CTDP1: variants seen among roughly 807,000 people sequenced by gnomAD.
CTDP1 encodes CTD phosphatase 1.
In CTDP1, 47 loss-of-function variants were observed where a neutral mutation model predicts 91.8. That is an observed-to-expected ratio of 0.51 (90% CI 0.41 to 0.65). The LOEUF (loss-of-function observed/expected upper bound fraction) is 0.65. Ranked by LOEUF, CTDP1 falls within the 30% of genes least tolerant of loss-of-function variation. The probability of loss-of-function intolerance (pLI) is 0.00; values close to 1 mark genes in which losing one functional copy is unlikely to be tolerated. For missense variants in CTDP1, 1,272 were observed against 1,373.7 expected (o/e 0.93, Z 1.17); for synonymous variants, 656 against 598.5 (o/e 1.10, Z -1.40).
At chr18:79,720,715 A>C (rs1235272757) in intron 10 of CTDP1, among the ~76,000 whole-genome samples, 1 of 152,130 alleles carries the variant, frequency 6.6e-6, no homozygotes, top group Non-Finnish European at 1.5e-5. Flanking sequence ...TCTTTCCAAC[A>C]CTGCTTCTCT....
chr18:79,720,540 G>T (rs574818105), intron 10 of CTDP1, among the ~76,000 whole-genome samples: 2 of 151,412 alleles, frequency 1.3e-5, no homozygotes, highest in Non-Finnish European at 2.9e-5. Context: ...CGTCATTAGC[G>T]CATTCTGGTG....
chr18:79,686,484 C>T (rs752122509), intron 1 of CTDP1, among the ~76,000 whole-genome samples: 11 of 152,186 alleles, frequency 7.2e-5, no homozygotes, highest in Non-Finnish European at 1.5e-4. Flanking sequence ...AGGATAAATG[C>T]ACATTTTAAA....
At chr18:79,720,653 G>A (rs1044502985) in intron 10 of CTDP1, among the ~76,000 whole-genome samples, 16 of 152,238 alleles carry the variant, frequency 1.1e-4, no homozygotes, top group Admixed American at 5.9e-4. Flanking sequence ...GTCGTTTCAG[G>A]TCTTTAGAAG....
intron 12 of CTDP1, among the ~76,000 whole-genome samples, chr18:79,740,966 G>A (rs546586032): frequency 6.6e-6 from 1 of 152,230 alleles, no homozygotes; most frequent in East Asian, 1.9e-4. Flanking sequence ...GAGGTCTCCT[G>A]CACAGGTTGG....
chr18:79,705,196 C>A (rs1274116536), intron 5 of CTDP1, among the ~76,000 whole-genome samples: 1 of 152,176 alleles, frequency 6.6e-6, no homozygotes, highest in African/African-American at 2.4e-5. Flanking sequence ...TGCGAGCGTC[C>A]TCCGACAGAT....
intron 1 of CTDP1, among the ~76,000 whole-genome samples, chr18:79,687,076 C>T (rs1394079701): frequency 1.2e-5 from 1 of 82,176 alleles, no homozygotes; most frequent in Non-Finnish European, 2.4e-5. Context: ...GGGCCTGCAC[C>T]GCAGCAGTTG....
chr18:79,720,566 A>G (rs1292239707), intron 10 of CTDP1, among the ~76,000 whole-genome samples: 1 of 151,900 alleles, frequency 6.6e-6, no homozygotes, highest in Non-Finnish European at 1.5e-5. Context: ...GTCACCTCCC[A>G]TCGTGTCCTG....
chr18:79,725,377 C>G lies in CTDP1; in HGVS notation c.2418-3530C>G, dbSNP rs138042664. On this transcript the variant is annotated intron_variant, in intron 10 of 12. Coordinates refer to ENST00000613122, the MANE Select transcript of CTDP1 (RefSeq NM_004715.5). ...TATTCGGGAGAATTCTCCAGTGAGA[C>G]CGTCTGGTCCTGGAGATTTTATTTT... 4.9e-3 allele frequency among the ~76,000 whole-genome samples: 740 copies of G among 152,246 alleles called. 10 individuals carry two copies. Among genetic ancestry groups the G allele is most frequent in the African/African-American group, 0.017 (713 of 41,546 alleles).
downstream of CTDP1, chr18:79,755,055 C>T (rs1408509129): frequency 6.6e-6 from 1 of 152,358 alleles, no homozygotes; most frequent in Non-Finnish European, 1.5e-5. Flanking sequence ...CAGGCTGTCT[C>T]CGCTGGGTGT....
rs779370706 is a variant in CTDP1 at position 79,728,997 on chromosome 18, A to G, written c.2508A>G (p.Arg836=). Residue 836 remains arginine (R), a synonymous_variant, in exon 11 of 13, where the codon CGA becomes CGG. Coordinates refer to ENST00000613122, the MANE Select transcript of CTDP1 (RefSeq NM_004715.5). ...GEQPGPSRRK[R]QPSMSETMPL... ...AGCCTGGCCCTTCTAGAAGAAAGCGACAGCCCAGTATGTCTGAGACAATGC... is the reference window on the plus strand; with the variant it reads ...AGCCTGGCCCTTCTAGAAGAAAGCGGCAGCCCAGTATGTCTGAGACAATGC... 2.5e-6 allele frequency: 4 copies of G among 1,614,168 alleles called. No homozygotes were observed. Among genetic ancestry groups the G allele is most frequent in the Non-Finnish European group, 3.4e-6 (4 of 1,180,034 alleles).
intron 12 of CTDP1, among the ~76,000 whole-genome samples, chr18:79,748,068 G>A (rs2122879445): frequency 6.6e-6 from 1 of 152,282 alleles, no homozygotes; most frequent in African/African-American, 2.4e-5. Flanking sequence ...AATTCTATCT[G>A]TTAACATTTC....
chr18:79,712,834 G>C (rs1251821611), intron 6 of CTDP1, 138 bp from the exon 7 acceptor site: 1 of 828,976 alleles, frequency 1.2e-6, no homozygotes, highest in African/African-American at 1.7e-5. Flanking sequence ...AGGGCTTCGG[G>C]GCGGTTGGTG....
At chr18:79,703,828 G>A (rs2085907944) in intron 4 of CTDP1, among the ~76,000 whole-genome samples, 1 of 151,976 alleles carries the variant, frequency 6.6e-6, no homozygotes, top group Non-Finnish European at 1.5e-5. Context: ...TATCATCGGT[G>A]GTTATGTAGT....
chr18:79,708,721 G>C (rs985984851), intron 5 of CTDP1, among the ~76,000 whole-genome samples: 1 of 152,254 alleles, frequency 6.6e-6, no homozygotes, highest in East Asian at 1.9e-4. Flanking sequence ...CAAGACCACA[G>C]TCCCAGCTCC....
chr18:79,712,423 G>A (rs1002257232), intron 6 of CTDP1, among the ~76,000 whole-genome samples: 4 of 152,058 alleles, frequency 2.6e-5, no homozygotes, highest in African/African-American at 9.7e-5. Context: ...CCGGGACTAC[G>A]GGCGCACACC....
At chr18:79,681,568 C>T (rs1006607082) in intron 1 of CTDP1, 1 of 896,622 alleles carries the variant, frequency 1.1e-6, no homozygotes, top group Non-Finnish European at 1.3e-6. Context: ...CATGTTCAGT[C>T]AGTCTAGTGA....
At chr18:79,733,435 T>C (rs3786240) in intron 11 of CTDP1, among the ~76,000 whole-genome samples, 112,294 of 152,038 alleles carry the variant, frequency 0.74, 42,071 homozygotes, top group Non-Finnish European at 0.79. Context: ...GGGAGATCAC[T>C]GAGGGTTGAG....
intron 12 of CTDP1, among the ~76,000 whole-genome samples, chr18:79,746,364 C>CCGTGCG (rs2086882142): frequency 6.7e-6 from 1 of 149,274 alleles, no homozygotes; most frequent in East Asian, 2.0e-4. Flanking sequence ...TGCGTCCCTC[C>CCGTGCG]CATGCGCGTT....
chr18:79,695,387 G>A, intron 2 of CTDP1, 79 bp downstream of exon 2: 1 of 1,328,278 alleles, frequency 7.5e-7, no homozygotes, highest in Admixed American at 1.7e-5. Flanking sequence ...AAGCTGTGCT[G>A]GGAACACAGT....
Sources: gnomAD v4.1 joint callset for allele counts (sites outside exome capture counted in the v4.1 genomes callset) on GRCh38, gnomAD v4.1.1 for gene constraint, MANE v1.5 for transcripts, NCBI Gene and HGNC (gene_info 2026-07-23, HGNC 2026-07-21) for gene names.